Variants in RGS12 observed in about 807,000 individuals in gnomAD.
RGS12 encodes regulator of G protein signaling 12.
A neutral mutation model predicts 120.1 loss-of-function variants in RGS12; 66 were observed. That is an observed-to-expected ratio of 0.55 (90% confidence interval 0.45 to 0.67). The LOEUF is 0.67. Ranked by LOEUF, RGS12 falls within the 30% of genes least tolerant of loss-of-function variation. RGS12 has a pLI of 0.00. For missense variants in RGS12, 1,859 were observed against 1,957.7 expected (o/e 0.95, Z 0.95); for synonymous variants, 827 against 804.7 (o/e 1.03, Z -0.47).
the RGS12 span, among the ~76,000 whole-genome samples, chr4:3,287,016 A>T: frequency 3.3e-5 from 5 of 152,322 alleles, no homozygotes; most frequent in African/African-American, 9.6e-5. Flanking sequence ...TGGGGCCAGC[A>T]TCAGCTTTGG....
intron 17 of RGS12, 199 bp downstream of exon 17, chr4:3,431,154 G>T: frequency 7.0e-7 from 1 of 1,421,020 alleles, no homozygotes. Flanking sequence ...TGTCTGTCAG[G>T]ATGGTCCCCC....
chr4:3,378,039 G>C (rs1717879804), intron 3 of RGS12: 1 of 152,184 alleles, frequency 6.6e-6, no homozygotes. Flanking sequence ...TAAGTATAAT[G>C]TGTATATATG....
intron 1 of RGS12, among the ~76,000 whole-genome samples, chr4:3,299,370 A>G (rs968852607): frequency 6.6e-6 from 1 of 152,084 alleles, no homozygotes; most frequent in Non-Finnish European, 1.5e-5. Flanking sequence ...GAGGATCACA[A>G]CTTCTACCTG....
intron 3 of RGS12, among the ~76,000 whole-genome samples, chr4:3,383,407 G>A (rs894433982): frequency 6.6e-6 from 1 of 152,058 alleles, no homozygotes; most frequent in African/African-American, 2.4e-5. Flanking sequence ...AGGAATTCAA[G>A]ACCAGCCTGG....
In RGS12 at chr4:3,433,812, T is replaced by C. The variant is rs562936372; in HGVS notation, c.4114+2857T>C. The stretch of plus-strand genomic sequence containing the variant: ...GCACCACGCACCGAGACCGAGACCA[T>C]GCACCATGCAGGCTGGCCGGTGCCC... On this transcript the variant is annotated intron_variant, in intron 17 of 17. Coordinates refer to ENST00000336727, the MANE Select transcript of RGS12 (RefSeq NM_001394154.1). The surrounding 1 kb of genome is among the most constrained non-coding windows in gnomAD (Gnocchi z 4.4). 2.6e-4 allele frequency among the ~76,000 whole-genome samples: 40 copies of C among 151,952 alleles called. No individual in the cohort carries two copies. The South Asian group carries it at 7.1e-3, about 27-fold the overall frequency.
intron 1 of RGS12, among the ~76,000 whole-genome samples, chr4:3,302,805 A>G (rs1027617610): frequency 6.6e-6 from 1 of 152,116 alleles, no homozygotes; most frequent in African/African-American, 2.4e-5. Context: ...GAGGTGAGCT[A>G]TGAGCTGAGC....
chr4:3,428,684 C>G lies in RGS12; in HGVS notation c.3538C>G (p.Gln1180Glu), dbSNP rs1253794021. 6.3e-7 allele frequency: 1 copy of G among 1,594,914 alleles called. No homozygotes were observed. The highest frequency in any genetic ancestry group is 1.8e-5 in the Admixed American group (1 of 54,204). Residue 1180 changes from glutamine to glutamate, a missense_variant, in exon 16 of 18, where the codon CAG becomes GAG. Transcript: ENST00000336727. ...SIAKIGKKKY[Q>E]KINLDEAEEF... ...TGCAAAGATTGGGAAAAAAAAATAT[C>G]AGAAAATTAATTTGGACGAAGCAGA...
At position 3,329,241 on chromosome 4, in the gene RGS12, G is replaced by A. The variant is rs1043023400; in HGVS notation, c.1881+11190G>A. Among the ~76,000 whole-genome samples, 45 of 152,268 alleles carry A rather than the reference G, an allele frequency of 3.0e-4. 1 individual carries two copies. The highest frequency in any genetic ancestry group is 1.1e-3 in the African/African-American group (45 of 41,534). On this transcript the variant is annotated intron_variant, in intron 2 of 17. Transcript: ENST00000336727. ...CCACTTTGAGTTCCATGGTGGCCCC[G>A]ATGGAAGCTGCCCTCATGTTTGGGA...
intron 2 of RGS12, chr4:3,324,863 GT>G (rs1354552532): frequency 6.6e-6 from 1 of 152,184 alleles, no homozygotes; most frequent in Admixed American, 6.5e-5. Context: ...AAGAAATAGT[GT>G]TATTTAATTT....
intron 4 of RGS12, among the ~76,000 whole-genome samples, chr4:3,387,800 C>T (rs4690090): frequency 0.23 from 34,574 of 152,176 alleles, 4,938 homozygotes; most frequent in East Asian, 0.44. Context: ...TCATTTCTTG[C>T]AGGCAATTTA....
intron 3 of RGS12, among the ~76,000 whole-genome samples, chr4:3,377,013 CTT>C (rs772104697): frequency 4.0e-4 from 56 of 139,676 alleles, no homozygotes; most frequent in Admixed American, 5.8e-4. Flanking sequence ...TTGTTAAATT[CTT>C]TTTTTTTTTT....
intron 1 of RGS12, among the ~76,000 whole-genome samples, chr4:3,303,843 C>G (rs1329194755): frequency 2.0e-5 from 3 of 152,216 alleles, no homozygotes; most frequent in Non-Finnish European, 2.9e-5. Flanking sequence ...TAGTATATAC[C>G]TTTTTCTCAA....
chr4:3,422,048 G>T (rs1193326941), intron 10 of RGS12, among the ~76,000 whole-genome samples: 3 of 152,184 alleles, frequency 2.0e-5, no homozygotes, highest in Non-Finnish European at 4.4e-5. Context: ...GGAGGGAGTG[G>T]TCCTCACAGG....
At position 3,437,815 on chromosome 4, in the gene RGS12, C is replaced by T. The variant is rs146035818; in HGVS notation, c.4115-1640C>T. The stretch of plus-strand genomic sequence containing the variant: ...AGGCCAGGATGAGGGCCTCTGGGGC[C>T]ACTGCTGGGACCTGTTCAAGAGAAC... On this transcript the variant is annotated intron_variant, in intron 17 of 17. Transcript: ENST00000336727. Among the ~76,000 whole-genome samples the T allele has an allele frequency of 6.6e-3, 1,001 of 152,318 alleles. 10 individuals are homozygous for T. Among genetic ancestry groups the T allele is most frequent in the African/African-American group, 0.023 (958 of 41,564 alleles).
chr4:3,330,845 A>G (rs1205602760), intron 2 of RGS12, among the ~76,000 whole-genome samples: 2 of 152,196 alleles, frequency 1.3e-5, no homozygotes, highest in East Asian at 3.8e-4. Context: ...TTTGCCCTGA[A>G]CTTTGAGATC....
chr4:3,317,392 G>C lies in RGS12; in HGVS notation c.1222G>C (p.Gly408Arg). 6 of 1,614,078 alleles carry C rather than the reference G, an allele frequency of 3.7e-6. No homozygotes were observed. Among genetic ancestry groups the C allele is most frequent in the Non-Finnish European group, 5.1e-6 (6 of 1,180,036 alleles). The change falls in exon 2 of 18, where the codon GGG (glycine) becomes CGG (arginine). Residue 408 changes from glycine to arginine, a missense_variant. By Grantham distance (125) the Gly-to-Arg change is moderately radical. Transcript: ENST00000336727. ...CATGCGGGCCCGCGCCTTTCTGGAC[G>C]GGGACGCCGATGCCCACCAGAACAA... ...EGMRARAFLD[G>R]DADAHQNNST...
At chr4:3,422,114 G>A (rs1447083116) in intron 10 of RGS12, among the ~76,000 whole-genome samples, 2 of 152,218 alleles carry the variant, frequency 1.3e-5, no homozygotes, top group Admixed American at 1.3e-4. Context: ...AAGCCCAGAT[G>A]TGCCTTCTGA....
chr4:3,315,683 T>C (rs1724691382), intron 1 of RGS12, among the ~76,000 whole-genome samples: 1 of 152,090 alleles, frequency 6.6e-6, no homozygotes, highest in Admixed American at 6.5e-5. Flanking sequence ...GAAACGTGGG[T>C]TTGGGTGTGT....
intron 10 of RGS12, among the ~76,000 whole-genome samples, chr4:3,421,989 A>T (rs886787270): frequency 6.6e-6 from 1 of 152,192 alleles, no homozygotes; most frequent in Non-Finnish European, 1.5e-5. Context: ...AACGATGTGC[A>T]TGGGGAGCTG....
Sources: gnomAD v4.1 joint callset for allele counts (sites outside exome capture counted in the v4.1 genomes callset) on GRCh38, gnomAD v4.1.1 for gene constraint, Gnocchi (gnomAD v3.1) non-coding constraint, MANE v1.5 for transcripts, NCBI Gene and HGNC (gene_info 2026-07-23, HGNC 2026-07-21) for gene names.